CLEC16A: variants seen among roughly 807,000 people sequenced by gnomAD.
CLEC16A encodes the protein protein CLEC16A.
Under a neutral mutation model 109.5 loss-of-function variants are expected in CLEC16A, and 51 were observed. That is an observed-to-expected ratio of 0.47 (90% CI 0.37 to 0.59). The LOEUF is 0.59. CLEC16A is among the 20% of genes least tolerant of loss of function. The pLI is 0.00. For missense variants in CLEC16A, 1,339 were observed against 1,394.0 expected (o/e 0.96, Z 0.63); for synonymous variants, 673 against 564.2 (o/e 1.19, Z -2.73).
At chr16:10,960,588 TCTC>T (rs2042207181) in intron 2 of CLEC16A, among the ~76,000 whole-genome samples, 1 of 152,068 alleles carries the variant, frequency 6.6e-6, no homozygotes, top group African/African-American at 2.4e-5. Context: ...GCTACTGTCT[TCTC>T]CTTTCCCCAC....
intron 7 of CLEC16A, among the ~76,000 whole-genome samples, chr16:10,973,839 A>G (rs922126318): frequency 1.5e-5 from 2 of 136,188 alleles, no homozygotes; most frequent in African/African-American, 5.5e-5. Context: ...CCAAAGTGCT[A>G]GGATTACAGG....
chr16:11,171,875 T>A (rs1306202983), intron 23 of CLEC16A, among the ~76,000 whole-genome samples: 1 of 147,920 alleles, frequency 6.8e-6, no homozygotes, highest in African/African-American at 2.5e-5. Flanking sequence ...CCAGGGCACA[T>A]ACACACTCAC....
chr16:11,177,662 G>T (rs976871102), intron 23 of CLEC16A, among the ~76,000 whole-genome samples: 1 of 151,894 alleles, frequency 6.6e-6, no homozygotes, highest in African/African-American at 2.4e-5. Context: ...ACTGCGTTGG[G>T]TGGAACCTCA....
At chr16:10,959,015 G>GTGTA (rs1491562883) in intron 2 of CLEC16A, among the ~76,000 whole-genome samples, 2 of 21,534 alleles carry the variant, frequency 9.3e-5, no homozygotes, top group African/African-American at 1.1e-3. Context: ...CTAAACACGG[G>GTGTA]TGTGTGTGTG....
At chr16:11,145,614 T>C (rs1236689934) in intron 22 of CLEC16A, among the ~76,000 whole-genome samples, 1 of 152,274 alleles carries the variant, frequency 6.6e-6, no homozygotes, top group African/African-American at 2.4e-5. Flanking sequence ...CCAAAGCAGC[T>C]GTAGAGCATA....
chr16:11,116,545 G>T (rs973947085), intron 19 of CLEC16A, among the ~76,000 whole-genome samples: 12 of 152,160 alleles, frequency 7.9e-5, no homozygotes, highest in Non-Finnish European at 5.9e-5. Context: ...GGACCAACTG[G>T]GTGACATCCA....
intron 18 of CLEC16A, among the ~76,000 whole-genome samples, chr16:11,057,267 G>A (rs566777539): frequency 4.6e-5 from 7 of 152,310 alleles, no homozygotes; most frequent in Non-Finnish European, 8.8e-5. Flanking sequence ...AGTGACTGTC[G>A]CCTAAACTAG....
At chr16:10,973,593 G>A (rs1246372646) in intron 7 of CLEC16A, among the ~76,000 whole-genome samples, 1 of 152,002 alleles carries the variant, frequency 6.6e-6, no homozygotes, top group Non-Finnish European at 1.5e-5. Context: ...TTTTGAGACA[G>A]AGTATTGCTC....
intron 8 of CLEC16A, 139 bp from the exon 9 acceptor site, chr16:10,979,190 A>T: frequency 1.5e-6 from 1 of 647,996 alleles, no homozygotes. Context: ...GCACCAAGAA[A>T]GGACAGCCCT....
chr16:11,004,465 C>T (rs567383226), intron 11 of CLEC16A, among the ~76,000 whole-genome samples: 2 of 152,310 alleles, frequency 1.3e-5, no homozygotes, highest in Non-Finnish European at 2.9e-5. Flanking sequence ...GTGTGGGGAA[C>T]ACTTCCTGTG....
chr16:11,120,647 A>C lies in CLEC16A; in HGVS notation c.2149A>C (p.Thr717Pro). ...CGACTTGATTGCATGTACAGTGATC[A>C]CCAAGGATGGCGGCATGGTCCAGCG... ...NSDLIACTVI[T>P]KDGGMVQRFL... The change falls in exon 20 of 24, where the codon ACC becomes CCC. Residue 717 changes from threonine to proline, a missense_variant. Transcript: ENST00000409790. The C allele has an allele frequency of 6.2e-7, 1 of 1,613,208 alleles. No homozygotes were observed. Among genetic ancestry groups the C allele is most frequent in the Non-Finnish European group, 8.5e-7 (1 of 1,179,566 alleles).
chr16:11,003,079 G>A lies in CLEC16A; in HGVS notation c.1077G>A (p.Lys359=). ...CCTTCGTTGGACTTTCCTAGGCCAA[G>A]CCCAGCATTCGGTGCTTCATTAAAC... ...TEQDIQRSSA[K]PSIRCFIKPT... The change falls in exon 11 of 24, where the codon AAG becomes AAA. Residue 359 remains lysine, a synonymous_variant. Coordinates refer to ENST00000409790, the MANE Select transcript of CLEC16A (RefSeq NM_015226.3). 1.2e-6 allele frequency: 2 copies of A among 1,610,430 alleles called. No individual in the cohort carries two copies. Among genetic ancestry groups the A allele is most frequent in the Non-Finnish European group, 1.7e-6 (2 of 1,178,816 alleles).
At chr16:11,044,221 C>T (rs1035793762) in intron 16 of CLEC16A, 149 bp downstream of exon 16, 1 of 587,036 alleles carries the variant, frequency 1.7e-6, no homozygotes, top group African/African-American at 1.9e-5. Context: ...TTTCATAGTC[C>T]CTAGAGTAGC....
In CLEC16A at chr16:11,058,535, TAA is replaced by T. The variant is rs575062269; in HGVS notation, c.1996-2366_1996-2365del. On this transcript the variant is annotated intron_variant, in intron 18 of 23. Transcript: ENST00000409790. ...GTACAGATGCAACCCTTTTTTTTTT[TAA>T]TATTTTTGATCTACAGTTGGTTGAA... 1.1e-3 allele frequency among the ~76,000 whole-genome samples: 162 copies of T among 151,966 alleles called. 1 individual carries two copies. Among genetic ancestry groups the T allele is most frequent in the African/African-American group, 3.7e-3 (152 of 41,360 alleles).
intron 13 of CLEC16A, among the ~76,000 whole-genome samples, chr16:11,037,422 G>A (rs556636101): frequency 6.6e-6 from 1 of 152,360 alleles, no homozygotes; most frequent in East Asian, 1.9e-4. Context: ...ACCTGGTACA[G>A]AGAGAAGTGT....
At chr16:11,114,929 G>A (rs2051870319) in intron 19 of CLEC16A, among the ~76,000 whole-genome samples, 1 of 152,200 alleles carries the variant, frequency 6.6e-6, no homozygotes, top group South Asian at 2.1e-4. Context: ...CACTGGTGTG[G>A]CCGCATTTTA....
chr16:10,974,543 C>A (rs2042949819), intron 7 of CLEC16A, among the ~76,000 whole-genome samples: 1 of 152,156 alleles, frequency 6.6e-6, no homozygotes, highest in African/African-American at 2.4e-5. Context: ...AGCACCCCTC[C>A]CCAGTCGTAC....
chr16:11,067,049 T>C (rs976023087), intron 19 of CLEC16A, among the ~76,000 whole-genome samples: 6 of 152,008 alleles, frequency 3.9e-5, no homozygotes, highest in African/African-American at 1.4e-4. Context: ...ATTGAGTAGG[T>C]AGCACATCAT....
chr16:11,121,757 G>A (rs746532331), intron 20 of CLEC16A, among the ~76,000 whole-genome samples: 1 of 151,652 alleles, frequency 6.6e-6, no homozygotes, highest in African/African-American at 2.4e-5. Context: ...GCAGGCACCT[G>A]TAATCCCAGC....
Sources: allele counts gnomAD v4.1 joint callset (sites outside exome capture counted in the v4.1 genomes callset), GRCh38; gene constraint gnomAD v4.1.1; transcripts MANE v1.5; gene names NCBI Gene and HGNC (gene_info 2026-07-23, HGNC 2026-07-21).